The following RAD51B variants were observed in gnomAD, a reference collection of about 807,000 sequenced individuals.
RAD51B encodes DNA repair protein RAD51 homolog 2.
RAD51B carries 38 observed loss-of-function variants against 42.2 expected under a neutral mutation model. The observed-to-expected ratio is 0.90, with a 90% CI of 0.70 to 1.18. RAD51B has a LOEUF of 1.18. Ranked by LOEUF, RAD51B falls within the 50% of genes most tolerant of loss-of-function variation. The pLI is 0.00. For synonymous variants in RAD51B, 154 were observed against 145.2 expected (o/e 1.06, Z -0.43); for missense variants, 373 against 400.7 (o/e 0.93, Z 0.59).
intron 7 of RAD51B, among the ~76,000 whole-genome samples, chr14:68,003,986 A>G (rs2075533159): frequency 6.6e-6 from 1 of 152,126 alleles, no homozygotes; most frequent in African/African-American, 2.4e-5. Context: ...TTAATGTGGT[A>G]GATTATGTTA....
intron 1 of RAD51B, among the ~76,000 whole-genome samples, chr14:67,820,168 G>T (rs1037574350): frequency 1.3e-5 from 2 of 152,184 alleles, no homozygotes; most frequent in African/African-American, 2.4e-5. Context: ...GCTTCGGGCA[G>T]CCTGTCATTA....
intron 7 of RAD51B, among the ~76,000 whole-genome samples, chr14:68,158,946 T>G (rs547283435): frequency 6.6e-6 from 1 of 152,330 alleles, no homozygotes; most frequent in South Asian, 2.1e-4. Context: ...TCTTTTTATT[T>G]CTTACAAGCA....
chr14:68,214,474 G>A (rs776747619), intron 7 of RAD51B, among the ~76,000 whole-genome samples: 6 of 151,986 alleles, frequency 3.9e-5, no homozygotes, highest in Non-Finnish European at 7.4e-5. Context: ...TGGAGGGGAG[G>A]GATGTCTAGA....
chr14:68,414,859 TAAAA>T (rs33968049), intron 9 of RAD51B, among the ~76,000 whole-genome samples: 2 of 71,208 alleles, frequency 2.8e-5, no homozygotes, highest in Non-Finnish European at 2.6e-5. Context: ...CCATCTCTAC[TAAAA>T]AAAAAAAAAA....
At chr14:67,969,304 T>C (rs977357803) in intron 7 of RAD51B, among the ~76,000 whole-genome samples, 2 of 152,198 alleles carry the variant, frequency 1.3e-5, no homozygotes, top group Admixed American at 1.3e-4. Flanking sequence ...CCTTAAAAAT[T>C]AGACTGTCTT....
At chr14:68,457,897 G>A (rs2085742895) in intron 9 of RAD51B, among the ~76,000 whole-genome samples, 1 of 147,406 alleles carries the variant, frequency 6.8e-6, no homozygotes, top group South Asian at 2.1e-4. Flanking sequence ...ACAGGCGTGA[G>A]CCACTGCGCC....
chr14:68,411,928 G>C (rs2084431949), intron 9 of RAD51B, among the ~76,000 whole-genome samples: 1 of 152,178 alleles, frequency 6.6e-6, no homozygotes, highest in Admixed American at 6.5e-5. Flanking sequence ...TCTTAGGCCA[G>C]CAGATGCTGC....
At chr14:68,588,443 A>G (rs943036722) in intron 10 of RAD51B, among the ~76,000 whole-genome samples, 1 of 152,128 alleles carries the variant, frequency 6.6e-6, no homozygotes, top group Non-Finnish European at 1.5e-5. Flanking sequence ...CTGACCATGA[A>G]TTTCAGAGCC....
At chr14:67,968,106 C>A (rs10146113) in intron 7 of RAD51B, among the ~76,000 whole-genome samples, 1 of 152,190 alleles carries the variant, frequency 6.6e-6, no homozygotes, top group African/African-American at 2.4e-5. Context: ...TGAAACTATG[C>A]GCTGAGCTGT....
intron 7 of RAD51B, chr14:68,000,442 T>C (rs2075460448): frequency 6.6e-6 from 1 of 152,222 alleles, no homozygotes; most frequent in Non-Finnish European, 1.5e-5. Context: ...GTACAAATAC[T>C]GTCAAGGGTT....
At chr14:68,631,872 C>T (rs756115776) in intron 10 of RAD51B, among the ~76,000 whole-genome samples, 6 of 152,198 alleles carry the variant, frequency 3.9e-5, no homozygotes, top group Non-Finnish European at 8.8e-5. Context: ...CTTGCTCTGT[C>T]CACACTGTAT....
chr14:68,138,999 C>A (rs1434954672), intron 7 of RAD51B, among the ~76,000 whole-genome samples: 1 of 151,972 alleles, frequency 6.6e-6, no homozygotes, highest in African/African-American at 2.4e-5. Context: ...CTGCCTCTAC[C>A]ACTTTTAAAA....
chr14:68,504,013 C>T (rs575060911), intron 10 of RAD51B, among the ~76,000 whole-genome samples: 2 of 152,276 alleles, frequency 1.3e-5, no homozygotes, highest in Non-Finnish European at 2.9e-5. Context: ...TCAAGAAGCA[C>T]GAAGTGCTCA....
chr14:68,374,613 G>T (rs1275775758), intron 8 of RAD51B, among the ~76,000 whole-genome samples: 8 of 151,662 alleles, frequency 5.3e-5, no homozygotes, highest in Non-Finnish European at 8.8e-5. Context: ...GTCCTGGTGG[G>T]GTTATAGCTT....
At chr14:67,847,580 C>T (rs537945025) in intron 4 of RAD51B, among the ~76,000 whole-genome samples, 2 of 151,952 alleles carry the variant, frequency 1.3e-5, no homozygotes, top group African/African-American at 4.8e-5. Context: ...TCTATATTTG[C>T]GTAGTTTTGA....
intron 11 of RAD51B, among the ~76,000 whole-genome samples, chr14:68,656,999 A>G (rs1258151722): frequency 2.0e-5 from 3 of 152,236 alleles, no homozygotes; most frequent in Admixed American, 6.5e-5. Context: ...AAAGAGCCTC[A>G]GTACAACCTA....
chr14:68,353,564 G>A (rs896868927), intron 8 of RAD51B, among the ~76,000 whole-genome samples: 2 of 152,186 alleles, frequency 1.3e-5, no homozygotes, highest in South Asian at 4.1e-4. Context: ...GACTCAGACT[G>A]GCACTTTGGC....
intron 6 of RAD51B, among the ~76,000 whole-genome samples, chr14:67,886,361 A>G (rs913222627): frequency 6.6e-6 from 1 of 152,154 alleles, no homozygotes; most frequent in Non-Finnish European, 1.5e-5. Context: ...AAGAGGTTAT[A>G]GTCAAGCTGG....
At chr14:68,084,639 A>C (rs1054170146) in intron 7 of RAD51B, among the ~76,000 whole-genome samples, 1 of 152,200 alleles carries the variant, frequency 6.6e-6, no homozygotes, top group Non-Finnish European at 1.5e-5. Flanking sequence ...AAAGGCATAA[A>C]TGTTGGGGTA....
Sources: allele counts gnomAD v4.1 joint callset (sites outside exome capture counted in the v4.1 genomes callset), GRCh38; gene constraint gnomAD v4.1.1; transcripts MANE v1.5; gene names NCBI Gene and HGNC (gene_info 2026-07-23, HGNC 2026-07-21).